NCAM2: variants seen among roughly 807,000 people sequenced by gnomAD.
NCAM2 encodes the protein neural cell adhesion molecule 2.
Under a neutral mutation model 98.1 loss-of-function variants are expected in NCAM2, and 30 were observed. The ratio of observed to expected loss-of-function variants is 0.31; its 90% confidence interval spans 0.23 to 0.41. NCAM2 has a LOEUF of 0.41. Among genes scored for constraint, NCAM2 ranks in the 10% least tolerant of loss-of-function variants. The pLI is 1.00. For missense variants in NCAM2, 867 were observed against 1,005.8 expected (o/e 0.86, Z 1.87); for synonymous variants, 368 against 342.4 (o/e 1.07, Z -0.83).
intron 4 of NCAM2, among the ~76,000 whole-genome samples, chr21:21,287,616 G>A (rs1474869541): frequency 1.3e-5 from 2 of 151,930 alleles, no homozygotes; most frequent in Non-Finnish European, 2.9e-5. Flanking sequence ...TACACCTCAA[G>A]TGTAGGTTTA....
intron 9 of NCAM2, among the ~76,000 whole-genome samples, chr21:21,392,365 G>A (rs1421143578): frequency 1.3e-5 from 2 of 152,264 alleles, no homozygotes; most frequent in East Asian, 1.9e-4. Flanking sequence ...TGGACATTTA[G>A]GTTGAATCCA....
At chr21:21,527,123 T>G (rs1989368645) in intron 16 of NCAM2, among the ~76,000 whole-genome samples, 1 of 151,882 alleles carries the variant, frequency 6.6e-6, no homozygotes, top group Non-Finnish European at 1.5e-5. Context: ...ATTTTTTTTT[T>G]TTTTTTGAGA....
chr21:21,206,182 T>A (rs888878273), intron 1 of NCAM2, among the ~76,000 whole-genome samples: 1 of 152,150 alleles, frequency 6.6e-6, no homozygotes, highest in Non-Finnish European at 1.5e-5. Flanking sequence ...AGAATGATGG[T>A]TAACTTGGAT....
chr21:21,082,227 A>T lies in NCAM2; in HGVS notation c.55+83609A>T, dbSNP rs562814902. Among the ~76,000 whole-genome samples, 148 of 142,536 alleles carry T rather than the reference A, an allele frequency of 1.0e-3. 3 individuals carry two copies. The highest frequency in any genetic ancestry group is 3.6e-3 in the African/African-American group (136 of 37,436). The allele number at this position is 142,536 out of a possible 152,430, so 93.5% of individuals were successfully genotyped here. The stretch of plus-strand genomic sequence containing the variant: ...TGGGCGACAGAGTGAGAATCCTTTA[A>T]AAAAAAAAAAAAAAAAGAATTCTCT... On this transcript the variant is annotated intron_variant, in intron 1 of 17. Transcript: ENST00000400546.
chr21:21,368,273 C>T (rs2075834210), intron 8 of NCAM2, among the ~76,000 whole-genome samples: 1 of 151,690 alleles, frequency 6.6e-6, no homozygotes, highest in Non-Finnish European at 1.5e-5. Context: ...AGAAATATTT[C>T]TTTTCTCTTT....
In NCAM2 at chr21:21,358,404, G is replaced by A. The variant is rs141239981; in HGVS notation, c.1045-15459G>A. ...TTTCATTTTGAAAATGTCCAGAAAT[G>A]GTTCTTGTGTATATGCCCTATAGAG... On this transcript the variant is annotated intron_variant, in intron 8 of 17. Transcript: ENST00000400546. Among the ~76,000 whole-genome samples, 18 of 151,980 alleles carry A rather than the reference G, an allele frequency of 1.2e-4. No homozygotes were observed. The East Asian group carries it at 3.5e-3, about 29-fold the overall frequency.
At chr21:21,022,394 A>G (rs994057789) in intron 1 of NCAM2, among the ~76,000 whole-genome samples, 2 of 152,096 alleles carry the variant, frequency 1.3e-5, no homozygotes, top group African/African-American at 4.8e-5. Context: ...GACTTTGTGT[A>G]TATAATTTAG....
intron 16 of NCAM2, among the ~76,000 whole-genome samples, chr21:21,534,106 A>C (rs1950415845): frequency 6.6e-6 from 1 of 152,030 alleles, no homozygotes; most frequent in Non-Finnish European, 1.5e-5. Context: ...AAATATTTTA[A>C]AATTTTAAAA....
At chr21:21,264,755 TATATATATATTCCACTATATATATA>T in intron 1 of NCAM2, among the ~76,000 whole-genome samples, 1 of 6,598 alleles carries the variant, frequency 1.5e-4, no homozygotes, top group Non-Finnish European at 2.7e-4. Context: ...TATATATACA[TATATATATATTCCACTATATATATA>T]CATATATATA....
At chr21:21,372,067 A>G (rs1201845341) in intron 8 of NCAM2, among the ~76,000 whole-genome samples, 1 of 151,836 alleles carries the variant, frequency 6.6e-6, no homozygotes, top group East Asian at 1.9e-4. Flanking sequence ...TCTAAATTTG[A>G]CAATAAACGT....
intron 6 of NCAM2, 73 bp downstream of exon 6, chr21:21,324,573 T>C (rs1261611392): frequency 3.8e-6 from 4 of 1,044,620 alleles, no homozygotes; most frequent in Non-Finnish European, 5.6e-6. Context: ...GGGATCTTAA[T>C]CATTTTGGTA....
chr21:21,277,891 CA>C, intron 1 of NCAM2, among the ~76,000 whole-genome samples: 1 of 152,026 alleles, frequency 6.6e-6, no homozygotes, highest in Admixed American at 6.6e-5. Flanking sequence ...TAAAAAAATG[CA>C]TACAAATAGT....
intron 1 of NCAM2, among the ~76,000 whole-genome samples, chr21:21,036,229 T>G (rs1263401015): frequency 6.6e-6 from 1 of 152,150 alleles, no homozygotes; most frequent in Admixed American, 6.6e-5. Flanking sequence ...CTTTGCCAAA[T>G]TGATAACTAA....
intron 15 of NCAM2, among the ~76,000 whole-genome samples, chr21:21,490,214 G>A (rs1026333826): frequency 2.6e-5 from 4 of 151,182 alleles, no homozygotes; most frequent in African/African-American, 4.9e-5. Context: ...CTAATATTCT[G>A]TAAAACTAAA....
chr21:21,268,963 C>T (rs1432117565), intron 1 of NCAM2, among the ~76,000 whole-genome samples: 1 of 152,238 alleles, frequency 6.6e-6, no homozygotes, highest in Non-Finnish European at 1.5e-5. Context: ...CCTGTCCCCA[C>T]ATGTAACCTG....
At chr21:21,522,311 T>C (rs921704349) in intron 16 of NCAM2, among the ~76,000 whole-genome samples, 2 of 149,352 alleles carry the variant, frequency 1.3e-5, no homozygotes, top group Admixed American at 1.3e-4. Flanking sequence ...TTTATACATA[T>C]ATATTCCTTA....
At chr21:21,333,964 A>ATT (rs540785972) in intron 6 of NCAM2, among the ~76,000 whole-genome samples, 1 of 149,556 alleles carries the variant, frequency 6.7e-6, no homozygotes, top group Non-Finnish European at 1.5e-5. Context: ...ATTTATTATT[A>ATT]TTTTTTTTTT....
At chr21:21,227,677 T>C (rs756689405) in intron 1 of NCAM2, among the ~76,000 whole-genome samples, 4 of 151,844 alleles carry the variant, frequency 2.6e-5, no homozygotes, top group Non-Finnish European at 5.9e-5. Context: ...CTAGCAGATA[T>C]GTCTAAATAA....
At chr21:21,108,783 A>G (rs957729088) in intron 1 of NCAM2, among the ~76,000 whole-genome samples, 1 of 152,126 alleles carries the variant, frequency 6.6e-6, no homozygotes, top group Non-Finnish European at 1.5e-5. Context: ...TGTATTGGAA[A>G]AACTATCCAG....
Sources: gnomAD v4.1 joint callset for allele counts (sites outside exome capture counted in the v4.1 genomes callset) on GRCh38, gnomAD v4.1.1 for gene constraint, MANE v1.5 for transcripts, NCBI Gene and HGNC (gene_info 2026-07-23, HGNC 2026-07-21) for gene names.